CCDC33: variants seen among roughly 807,000 people sequenced by gnomAD.
The protein encoded by CCDC33 is coiled-coil domain-containing protein 33.
CCDC33 carries 94 observed loss-of-function variants against 91.9 expected under a neutral mutation model. That is an observed-to-expected ratio of 1.02 (90% confidence interval 0.87 to 1.21). CCDC33 has a LOEUF of 1.21. Among genes scored for constraint, CCDC33 ranks in the 50% most tolerant of loss-of-function variants. CCDC33 has a pLI of 0.00. For missense variants in CCDC33, 940 were observed against 935.5 expected (o/e 1.00, Z -0.06); for synonymous variants, 396 against 374.5 (o/e 1.06, Z -0.66).
At chr15:74,271,620 G>T (rs2076318876) in intron 5 of CCDC33, 83 bp from the exon 6 acceptor site, 1 of 986,404 alleles carries the variant, frequency 1.0e-6, no homozygotes, top group African/African-American at 1.6e-5. Flanking sequence ...TGGGGAAAAA[G>T]AGGGTAGGCA....
chr15:74,296,883 A>G (rs2059698828), intron 11 of CCDC33, among the ~76,000 whole-genome samples: 1 of 152,206 alleles, frequency 6.6e-6, no homozygotes, highest in Non-Finnish European at 1.5e-5. Context: ...TGGCTGAATT[A>G]TTGGGTAGCT....
At chr15:74,243,312 T>G (rs1312314658) in intron 1 of CCDC33, among the ~76,000 whole-genome samples, 1 of 152,176 alleles carries the variant, frequency 6.6e-6, no homozygotes, top group Non-Finnish European at 1.5e-5. Flanking sequence ...ATGGGTGAGC[T>G]GAGGTGAGGT....
At chr15:74,273,251 G>T (rs2076368263) in intron 7 of CCDC33, among the ~76,000 whole-genome samples, 1 of 152,218 alleles carries the variant, frequency 6.6e-6, no homozygotes, top group African/African-American at 2.4e-5. Context: ...TTCAGAGTCA[G>T]AATGTAGAAC....
intron 1 of CCDC33, among the ~76,000 whole-genome samples, chr15:74,206,802 A>G (rs2074270674): frequency 6.6e-6 from 1 of 152,218 alleles, no homozygotes; most frequent in South Asian, 2.1e-4. Context: ...ACAAGGAGAG[A>G]GTAGCATAAG....
In CCDC33 at chr15:74,334,994, G is replaced by T. The variant is rs201885171; in HGVS notation, c.2045G>T (p.Arg682Leu). Residue 682 changes from arginine to leucine, a missense_variant, in exon 18 of 19, where the codon CGC becomes CTC. By Grantham distance (102) the Arg-to-Leu change is moderately radical. Transcript: ENST00000398814. ...LESQLEDSAR[R>L]WGREKQDLAT... ...CTGCAGTTAGAGGACTCAGCTCGAC[G>T]CTGGGGACGAGAGAAGCAGGATCTG... The T allele has an allele frequency of 6.2e-7, 1 of 1,614,080 alleles. No individual in the cohort carries two copies. Among genetic ancestry groups the T allele is most frequent in the South Asian group, 1.1e-5 (1 of 91,088 alleles).
rs1567027092 is a variant in CCDC33, at chr15:74,316,181, G to C, written c.1291-14008G>C. Among the ~76,000 whole-genome samples the C allele has an allele frequency of 6.6e-6, 1 of 152,112 alleles. No individual in the cohort carries two copies. Among genetic ancestry groups the C allele is most frequent in the Non-Finnish European group, 1.5e-5 (1 of 68,004 alleles). On this transcript the variant is annotated intron_variant, in intron 11 of 18. Transcript: ENST00000398814. The surrounding 1 kb of genome is among the most constrained non-coding windows in gnomAD (Gnocchi z 4.7). The stretch of plus-strand genomic sequence containing the variant: ...GGCGGGAGCCCCTGGGGCCTCCCTG[G>C]CTTCATGGGGCAGGCTCAAGTCCCT...
At chr15:74,274,676 C>G (rs1489360394) in intron 7 of CCDC33, among the ~76,000 whole-genome samples, 1 of 152,212 alleles carries the variant, frequency 6.6e-6, no homozygotes, top group Non-Finnish European at 1.5e-5. Flanking sequence ...AAGAACCAAT[C>G]AGCAGGCTGT....
intron 8 of CCDC33, 141 bp from the exon 9 acceptor site, chr15:74,280,527 G>A (rs2059338731): frequency 2.2e-6 from 2 of 927,346 alleles, no homozygotes; most frequent in Non-Finnish European, 3.1e-6. Context: ...CCCTGAAGAT[G>A]AGAAGAGGAT....
intron 11 of CCDC33, among the ~76,000 whole-genome samples, chr15:74,329,070 T>G (rs2060371649): frequency 6.6e-6 from 1 of 152,216 alleles, no homozygotes; most frequent in Non-Finnish European, 1.5e-5. Flanking sequence ...GCTGTTCAGA[T>G]TTAAGAAACT....
chr15:74,276,069 G>A (rs1021766328), intron 7 of CCDC33, among the ~76,000 whole-genome samples: 1 of 152,204 alleles, frequency 6.6e-6, no homozygotes, highest in Non-Finnish European at 1.5e-5. Flanking sequence ...AGCCAGGATT[G>A]GGTTACATGC....
rs185447987 is a variant in CCDC33 at position 74,273,038 on chromosome 15, G to A, written c.759+147G>A. ...GGCATACCCAGTGCTGTGCTCGCCTGTGCGGCAGAGAAACTGCCCTCCAGG... is the reference window on the plus strand; with the variant it reads ...GGCATACCCAGTGCTGTGCTCGCCTATGCGGCAGAGAAACTGCCCTCCAGG... On this transcript the variant is annotated intron_variant, in intron 7 of 18. Transcript: ENST00000398814. 182 of 1,140,776 alleles carry A rather than the reference G, an allele frequency of 1.6e-4. No homozygotes were observed. In the African/African-American group the frequency reaches 2.7e-3, roughly 17 times the overall value. 70.7% of individuals were successfully genotyped at this position (1,140,776 alleles called of 1,614,324 possible).
intron 12 of CCDC33, 70 bp downstream of exon 12, chr15:74,330,424 G>A: frequency 6.8e-7 from 1 of 1,461,160 alleles, no homozygotes; most frequent in Non-Finnish European, 9.1e-7. Flanking sequence ...TGTGCAATAG[G>A]GTGGCTGGGA....
chr15:74,321,825 GT>G (rs1345859462), intron 11 of CCDC33, among the ~76,000 whole-genome samples: 1 of 152,206 alleles, frequency 6.6e-6, no homozygotes, highest in African/African-American at 2.4e-5. Flanking sequence ...CAGGGTCTGG[GT>G]CAAAGGATTT....
At position 74,209,381 on chromosome 15, in the gene CCDC33, C is replaced by T. The variant is rs1159273695; in HGVS notation, n.90-7C>T. 3.9e-6 allele frequency: 6 copies of T among 1,535,648 alleles called. No individual in the cohort carries two copies. In the East Asian group the frequency reaches 1.2e-4, roughly 31 times the overall value. ...TACCTCCATTTGTCCCCATCCATCA[C>T]TCCCAGGGGGCCACTGCCTGATGAA... On this transcript the variant is annotated splice_region_variant and splice_polypyrimidine_tract_variant and intron_variant and non_coding_transcript_variant, in intron 1 of 3. Coordinates refer to the CCDC33 transcript ENST00000558645.
intron 2 of CCDC33, among the ~76,000 whole-genome samples, chr15:74,245,907 G>A (rs2075515156): frequency 6.6e-6 from 1 of 152,210 alleles, no homozygotes; most frequent in African/African-American, 2.4e-5. Context: ...CTAATGAGAT[G>A]CAAATGATGG....
At chr15:74,330,002 C>G (rs1205456146) in intron 11 of CCDC33, among the ~76,000 whole-genome samples, 187 bp from the exon 12 acceptor site, 1 of 152,096 alleles carries the variant, frequency 6.6e-6, no homozygotes, top group Non-Finnish European at 1.5e-5. Context: ...CCTCACATGG[C>G]CAGGATGGGT....
At chr15:74,233,762 C>T (rs369046264), upstream of CCDC33, among the ~76,000 whole-genome samples, 7 of 152,346 alleles carry the variant, frequency 4.6e-5, no homozygotes, top group African/African-American at 1.7e-4. Context: ...CAGAGCAGCC[C>T]TGATTGCCTC....
intron 11 of CCDC33, chr15:74,311,741 G>A (rs1596092312): frequency 1.3e-5 from 2 of 152,176 alleles, no homozygotes; most frequent in African/African-American, 2.4e-5. Flanking sequence ...AGTTCTCATC[G>A]AGAAGGCAGG....
At position 74,218,889 on chromosome 15, in the gene CCDC33, G is replaced by T; in HGVS notation, c.675+28G>T. Reference sequence around the variant, plus strand: ...GGGTGCTTCCCTGGTCCCAGTTCAGGTTCTGGGCTCACCGGGTACAAGACC... The same window carrying T: ...GGGTGCTTCCCTGGTCCCAGTTCAGTTTCTGGGCTCACCGGGTACAAGACC... On this transcript the variant is annotated intron_variant, in intron 2 of 2. Coordinates refer to the CCDC33 transcript ENST00000635913. The surrounding 1 kb of genome is among the most constrained non-coding windows in gnomAD (Gnocchi z 4.8). 1 of 1,206,076 alleles carries T rather than the reference G, an allele frequency of 8.3e-7. No homozygotes were observed. Among genetic ancestry groups the T allele is most frequent in the South Asian group, 1.5e-5 (1 of 66,638 alleles). The allele number at this position is 1,206,076 out of a possible 1,614,324, so 74.7% of individuals were successfully genotyped here.
Sources: gnomAD v4.1 joint callset for allele counts (sites outside exome capture counted in the v4.1 genomes callset) on GRCh38, gnomAD v4.1.1 for gene constraint, Gnocchi (gnomAD v3.1) non-coding constraint, MANE v1.5 for transcripts, NCBI Gene and HGNC (gene_info 2026-07-23, HGNC 2026-07-21) for gene names.